FNBP1L: variants seen among roughly 807,000 people sequenced by gnomAD.
FNBP1L encodes formin binding protein 1 like, also known as formin-binding protein 1-like.
Under a neutral mutation model 91.2 loss-of-function variants are expected in FNBP1L, and 36 were observed. The ratio of observed to expected loss-of-function variants is 0.39; its 90% CI spans 0.30 to 0.52. FNBP1L has a LOEUF of 0.52. Among genes scored for constraint, FNBP1L ranks in the 20% least tolerant of loss-of-function variants. The pLI is 0.66. For synonymous variants in FNBP1L, 242 were observed against 237.0 expected (o/e 1.02, Z -0.19); for missense variants, 571 against 732.1 (o/e 0.78, Z 2.54).
intron 10 of FNBP1L, among the ~76,000 whole-genome samples, chr1:93,537,050 A>G (rs1671872828): frequency 6.6e-6 from 1 of 152,104 alleles, no homozygotes; most frequent in East Asian, 1.9e-4. Context: ...AAAGCCTACA[A>G]AAATACTAGA....
intron 1 of FNBP1L, among the ~76,000 whole-genome samples, chr1:93,482,639 T>C (rs944660618): frequency 6.6e-6 from 1 of 152,150 alleles, no homozygotes; most frequent in African/African-American, 2.4e-5. Flanking sequence ...ACACCTGTAA[T>C]CCTACCACTT....
At chr1:93,507,873 T>C (rs962971044) in intron 2 of FNBP1L, among the ~76,000 whole-genome samples, 2 of 151,658 alleles carry the variant, frequency 1.3e-5, no homozygotes, top group Non-Finnish European at 2.9e-5. Context: ...GGTCTTGAAC[T>C]CCTGACCTCA....
chr1:93,477,939 C>T (rs1278705210), intron 1 of FNBP1L, among the ~76,000 whole-genome samples: 5 of 152,152 alleles, frequency 3.3e-5, no homozygotes, highest in Non-Finnish European at 5.9e-5. Context: ...TGAGTACCAT[C>T]GATAGACACA....
Position 93,536,423 on chromosome 1 carries a change from A to G in FNBP1L, c.1082A>G (p.His361Arg). 1 of 1,550,876 alleles carries G rather than the reference A, an allele frequency of 6.4e-7. No individual in the cohort carries two copies. The highest frequency in any genetic ancestry group is 8.7e-7 in the Non-Finnish European group (1 of 1,146,446). ...QFLTFSIEPVHYCMNEIKTGK... is the reference protein window; with the variant it reads ...QFLTFSIEPVRYCMNEIKTGK... ...CTCACATTCTCCATTGAGCCCGTGC[A>G]TTATTGTATGAATGAAATAAAAACA... Residue 361 changes from histidine (H) to arginine (R), a missense_variant, in exon 10 of 17, where the codon CAT (histidine) becomes CGT (arginine). Coordinates refer to ENST00000271234, the MANE Select transcript of FNBP1L (RefSeq NM_001164473.3).
chr1:93,515,514 C>G (rs1300538714), intron 2 of FNBP1L, among the ~76,000 whole-genome samples: 10 of 151,944 alleles, frequency 6.6e-5, no homozygotes, highest in Admixed American at 5.2e-4. Flanking sequence ...TGGAACCAAC[C>G]CAAATGTCCA....
At chr1:93,460,786 G>T (rs1421779812) in intron 1 of FNBP1L, among the ~76,000 whole-genome samples, 1 of 152,206 alleles carries the variant, frequency 6.6e-6, no homozygotes, top group Non-Finnish European at 1.5e-5. Flanking sequence ...GTGGGGAGAA[G>T]TGGGGAGATG....
At chr1:93,513,658 A>G (rs1171288991) in intron 2 of FNBP1L, among the ~76,000 whole-genome samples, 1 of 152,244 alleles carries the variant, frequency 6.6e-6, no homozygotes, top group Non-Finnish European at 1.5e-5. Context: ...AACAGAACCA[A>G]TGACAAAAAC....
chr1:93,552,064 C>T (rs937432707), intron 16 of FNBP1L: 46 of 1,053,336 alleles, frequency 4.4e-5, no homozygotes, highest in Middle Eastern at 8.6e-4. Context: ...ATATGTGTAC[C>T]GCCTTTAGGG....
intron 2 of FNBP1L, among the ~76,000 whole-genome samples, chr1:93,503,102 A>G (rs969131648): frequency 5.3e-5 from 8 of 152,012 alleles, no homozygotes; most frequent in Admixed American, 4.6e-4. Flanking sequence ...ATATTAGTCC[A>G]TTCTCACGCT....
intron 2 of FNBP1L, among the ~76,000 whole-genome samples, chr1:93,511,764 A>C (rs1202157077): frequency 2.6e-5 from 4 of 151,972 alleles, no homozygotes; most frequent in Non-Finnish European, 5.9e-5. Flanking sequence ...CAGGAGATCG[A>C]GACCATCCCG....
chr1:93,533,181 A>G, intron 8 of FNBP1L, 113 bp downstream of exon 8: 1 of 826,122 alleles, frequency 1.2e-6, no homozygotes, highest in Non-Finnish European at 1.8e-6. Flanking sequence ...GTTCTAAATT[A>G]TATTCTGTAG....
intron 2 of FNBP1L, among the ~76,000 whole-genome samples, chr1:93,513,529 T>TC: frequency 6.6e-6 from 1 of 151,482 alleles, no homozygotes; most frequent in South Asian, 2.1e-4. Flanking sequence ...AATAAAATAC[T>TC]GGCAAACCGA....
chr1:93,518,736 C>T (rs1030580328), intron 2 of FNBP1L, among the ~76,000 whole-genome samples: 1 of 152,186 alleles, frequency 6.6e-6, no homozygotes, highest in Non-Finnish European at 1.5e-5. Flanking sequence ...CCATAAGATT[C>T]ATTTGCTAAA....
intron 2 of FNBP1L, among the ~76,000 whole-genome samples, chr1:93,521,071 A>G (rs1671307040): frequency 6.6e-6 from 1 of 151,982 alleles, no homozygotes; most frequent in South Asian, 2.1e-4. Context: ...CAACCAACCA[A>G]CCAACCAACC....
chr1:93,485,275 T>G (rs1426945408), intron 1 of FNBP1L, among the ~76,000 whole-genome samples: 1 of 152,208 alleles, frequency 6.6e-6, no homozygotes, highest in Non-Finnish European at 1.5e-5. Flanking sequence ...AGAGCTTACT[T>G]CACACAACAG....
chr1:93,513,631 A>G (rs1670947829), intron 2 of FNBP1L, among the ~76,000 whole-genome samples: 1 of 152,216 alleles, frequency 6.6e-6, no homozygotes, highest in East Asian at 1.9e-4. Context: ...AAATCAATAA[A>G]TGTAATCCAG....
At chr1:93,507,107 A>ACTCTCTCTCTCT (rs545137195) in intron 2 of FNBP1L, among the ~76,000 whole-genome samples, 1 of 45,516 alleles carries the variant, frequency 2.2e-5, no homozygotes, top group African/African-American at 9.8e-5. Flanking sequence ...ACACACACAC[A>ACTCTCTCTCTCT]CTCTCTCTCT....
At chr1:93,502,167 G>A (rs1368590433) in intron 2 of FNBP1L, among the ~76,000 whole-genome samples, 1 of 152,130 alleles carries the variant, frequency 6.6e-6, no homozygotes, top group Non-Finnish European at 1.5e-5. Context: ...TATAAAATTT[G>A]TATGTATTCT....
chr1:93,503,722 TAG>T (rs1670512920), intron 2 of FNBP1L, among the ~76,000 whole-genome samples: 1 of 152,182 alleles, frequency 6.6e-6, no homozygotes, highest in African/African-American at 2.4e-5. Context: ...GATCACTTGG[TAG>T]AGTGTTTTTT....
Sources: allele counts gnomAD v4.1 joint callset (sites outside exome capture counted in the v4.1 genomes callset), GRCh38; gene constraint gnomAD v4.1.1; transcripts MANE v1.5; gene names NCBI Gene and HGNC (gene_info 2026-07-23, HGNC 2026-07-21).